PHLPP2: variants seen among roughly 807,000 people sequenced by gnomAD.
The protein encoded by PHLPP2 is PH domain leucine-rich repeat-containing protein phosphatase 2.
Under a neutral mutation model 124.9 loss-of-function variants are expected in PHLPP2, and 66 were observed. The ratio of observed to expected loss-of-function variants is 0.53; its 90% CI spans 0.43 to 0.65. The LOEUF (loss-of-function observed/expected upper bound fraction) is 0.65. PHLPP2 is among the 30% of genes least tolerant of loss of function. PHLPP2 has a pLI of 0.00. For missense variants in PHLPP2, 1,685 were observed against 1,600.4 expected, an observed-to-expected ratio of 1.05 and a Z score of -0.90; for synonymous variants, 681 against 624.7, an observed-to-expected ratio of 1.09 and a Z score of -1.34.
rs1226542535 is a variant in PHLPP2 at position 71,656,597 on chromosome 16, C to T, written c.2364G>A (p.Leu788=). ...TVTSTFWSHG[L]AEMAGQRNKL... ...TATTTCTCTGCCCTGCCATCTCAGC[C>T]AGTCCATGGCTCCAGAAGGTTGACG... The change falls in exon 16 of 19, where the codon CTG becomes CTA. Residue 788 remains leucine (L), a synonymous_variant. Transcript: ENST00000568954. 1.9e-6 allele frequency: 3 copies of T among 1,611,572 alleles called. No homozygotes were observed. The East Asian group carries it at 6.7e-5, about 36-fold the overall frequency.
intron 18 of PHLPP2, among the ~76,000 whole-genome samples, chr16:71,651,170 C>T (rs1304055938): frequency 6.6e-6 from 1 of 152,066 alleles, no homozygotes; most frequent in African/African-American, 2.4e-5. Flanking sequence ...AAAACCCCAT[C>T]TCTACTAAAA....
At chr16:71,651,682 G>C (rs977739384) in intron 18 of PHLPP2, among the ~76,000 whole-genome samples, 1 of 152,010 alleles carries the variant, frequency 6.6e-6, no homozygotes, top group African/African-American at 2.4e-5. Context: ...TTTTGATTTT[G>C]TTTCCTTAGA....
At chr16:71,697,848 A>T (rs1358697077) in intron 3 of PHLPP2, among the ~76,000 whole-genome samples, 19 of 119,002 alleles carry the variant, frequency 1.6e-4, no homozygotes, top group East Asian at 2.4e-4. Flanking sequence ...AGGAAGTAGG[A>T]TTTTTTTTTT....
chr16:71,703,583 A>G (rs896810470), intron 2 of PHLPP2, among the ~76,000 whole-genome samples: 1 of 152,202 alleles, frequency 6.6e-6, no homozygotes, highest in Non-Finnish European at 1.5e-5. Context: ...CTCTTTTATA[A>G]TGCTTTTACC....
intron 13 of PHLPP2, among the ~76,000 whole-genome samples, chr16:71,659,358 TCTC>T (rs1333042947): frequency 6.6e-6 from 1 of 151,400 alleles, no homozygotes; most frequent in Non-Finnish European, 1.5e-5. Context: ...TTCAAGCAAT[TCTC>T]CTGCCTCAGC....
intron 2 of PHLPP2, among the ~76,000 whole-genome samples, chr16:71,706,809 T>C (rs1187535475): frequency 6.6e-6 from 1 of 152,190 alleles, no homozygotes; most frequent in African/African-American, 2.4e-5. Context: ...TTATATATAG[T>C]TAAAATAAAT....
chr16:71,724,137 C>T (rs1478403593), intron 1 of PHLPP2, 192 bp downstream of exon 1: 1 of 152,928 alleles, frequency 6.5e-6, no homozygotes, highest in Non-Finnish European at 1.5e-5. Context: ...CTGCCCGCCG[C>T]CCTAGGCTTG....
chr16:71,678,985 A>C lies in PHLPP2; in HGVS notation c.1038T>G (p.Asn346Lys). 1 of 1,550,800 alleles carries C rather than the reference A, an allele frequency of 6.4e-7. No homozygotes were observed. The highest frequency in any genetic ancestry group is 8.9e-7 in the Non-Finnish European group (1 of 1,124,466). ...DLPSQIGNLL[N>K]LQTLCLDGNF... The stretch of plus-strand genomic sequence containing the variant: ...TGCCATCAAGACAGAGGGTTTGAAG[A>C]CTATAGGAAGAAAACAAAACAAGTC... The change falls in exon 8 of 19, where the codon AAT (asparagine) becomes AAG (lysine). Residue 346 changes from asparagine (N) to lysine (K), a missense_variant and splice_region_variant. Coordinates refer to ENST00000568954, the MANE Select transcript of PHLPP2 (RefSeq NM_015020.3).
chr16:71,665,019 T>G (rs2044826273), intron 12 of PHLPP2, among the ~76,000 whole-genome samples: 1 of 152,054 alleles, frequency 6.6e-6, no homozygotes, highest in Non-Finnish European at 1.5e-5. Context: ...TATATGAAAT[T>G]ATACTTCCGG....
chr16:71,657,228 C>G (rs527519560), intron 15 of PHLPP2, among the ~76,000 whole-genome samples: 89 of 152,174 alleles, frequency 5.8e-4, no homozygotes, highest in Non-Finnish European at 1.2e-3. Flanking sequence ...CAGGTGTGAG[C>G]CACCGCTCCC....
At chr16:71,722,145 T>C (rs1253663402) in intron 1 of PHLPP2, among the ~76,000 whole-genome samples, 3 of 152,112 alleles carry the variant, frequency 2.0e-5, no homozygotes, top group African/African-American at 7.2e-5. Flanking sequence ...AACAAAACTG[T>C]ATGAGGCCGG....
intron 17 of PHLPP2, among the ~76,000 whole-genome samples, chr16:71,654,558 A>C (rs1298927725): frequency 6.6e-6 from 1 of 152,218 alleles, no homozygotes; most frequent in Non-Finnish European, 1.5e-5. Context: ...TCACAAGGGT[A>C]AACAACCAAT....
Position 71,678,842 on chromosome 16 carries a change from T to C in PHLPP2, c.1181A>G (p.Asp394Gly). The C allele has an allele frequency of 1.2e-6, 2 of 1,612,492 alleles. No individual in the cohort carries two copies. Among genetic ancestry groups the C allele is most frequent in the South Asian group, 2.2e-5 (2 of 91,036 alleles). ...GCAATTTCCTGCCATAACCACTCTA[T>C]CTAACATAGTGAGTTTCTCATAAAC... The part of the protein sequence containing the change: ...PEVYEKLTML[D>G]RVVMAGNCLE... The change falls in exon 8 of 19, where the codon GAT becomes GGT. Residue 394 changes from aspartate (D) to glycine (G), a missense_variant. By Grantham distance (94) the Asp-to-Gly change is moderately conservative. Coordinates refer to ENST00000568954, the MANE Select transcript of PHLPP2 (RefSeq NM_015020.3).
chr16:71,693,933 C>T (rs1290442169), intron 3 of PHLPP2, among the ~76,000 whole-genome samples: 1 of 152,154 alleles, frequency 6.6e-6, no homozygotes, highest in Non-Finnish European at 1.5e-5. Flanking sequence ...TGGCTTACAA[C>T]TGTAATCCCA....
intron 13 of PHLPP2, among the ~76,000 whole-genome samples, chr16:71,662,580 T>A (rs1241531943): frequency 6.6e-6 from 1 of 152,196 alleles, no homozygotes; most frequent in African/African-American, 2.4e-5. Flanking sequence ...AAATGGTAAA[T>A]GTTCATAAAA....
chr16:71,658,811 G>C lies in PHLPP2; in HGVS notation c.1990C>G (p.Leu664Val). The C allele has an allele frequency of 6.2e-7, 1 of 1,613,778 alleles. No homozygotes were observed. The highest frequency in any genetic ancestry group is 8.5e-7 in the Non-Finnish European group (1 of 1,179,832). The change falls in exon 14 of 19, where the codon CTA (leucine) becomes GTA (valine). Residue 664 changes from leucine to valine, a missense_variant. By Grantham distance (32) the Leu-to-Val change is conservative. Transcript: ENST00000568954. ...NQLQTFPASK[L>V]NKLEQLEELN... ...TCCTCCAATTGCTCCAATTTATTTA[G>C]TTTGCTGAAAAAGAAACAACAGAAT...
At chr16:71,664,205 C>G in intron 12 of PHLPP2, 106 bp from the exon 13 acceptor site, 4 of 773,896 alleles carry the variant, frequency 5.2e-6, no homozygotes, top group Non-Finnish European at 8.6e-6. Context: ...TTCTAAGCTT[C>G]CAAATGGGAA....
chr16:71,678,616 G>A, intron 8 of PHLPP2, 139 bp downstream of exon 8: 1 of 619,364 alleles, frequency 1.6e-6, no homozygotes, highest in Non-Finnish European at 2.9e-6. Context: ...TGCCAGCTTG[G>A]GTGACAAAGT....
rs1357793965 is a variant in PHLPP2 at position 71,702,641 on chromosome 16, C to T, written c.375G>A (p.Glu125=). Residue 125 remains glutamate (E), a synonymous_variant, in exon 3 of 19, where the codon GAG becomes GAA. Transcript: ENST00000568954. ...TACAGCCGAGGTCAGGATTTGTAGC[C>T]TCCTCCTGTATGCGCACAGGATCAT... ...GFDDPVRIQE[E]ATNPDLGCMI... 6.2e-7 allele frequency: 1 copy of T among 1,610,972 alleles called. No individual in the cohort carries two copies. The highest frequency in any genetic ancestry group is 8.5e-7 in the Non-Finnish European group (1 of 1,178,986).
Sources: allele counts gnomAD v4.1 joint callset (sites outside exome capture counted in the v4.1 genomes callset), GRCh38; gene constraint gnomAD v4.1.1; transcripts MANE v1.5; gene names NCBI Gene and HGNC (gene_info 2026-07-23, HGNC 2026-07-21).